SHISA9: variants seen among roughly 807,000 people sequenced by gnomAD.
SHISA9 encodes shisa family member 9.
SHISA9 carries 13 observed loss-of-function variants against 38.0 expected under a neutral mutation model. The observed-to-expected ratio is 0.34, with a 90% CI of 0.22 to 0.54. The LOEUF (loss-of-function observed/expected upper bound fraction) is 0.54, where lower values mean the gene tolerates loss of function less well. SHISA9 is among the 20% of genes least tolerant of loss of function. The probability of loss-of-function intolerance (pLI) is 0.91; values close to 1 mark genes in which losing one functional copy is unlikely to be tolerated. For synonymous variants in SHISA9, 275 were observed against 242.0 expected, an observed-to-expected ratio of 1.14 and a Z score of -1.27; for missense variants, 538 against 575.8, an observed-to-expected ratio of 0.93 and a Z score of 0.67.
Position 13,238,543 on chromosome 16 carries a change from T to G in SHISA9, c.*3134T>G, listed in dbSNP as rs1053370747. ...TTGTATTCCTTCTGCATGCTCCTTC[T>G]CCTCTGAATAAACTTCATCAATTGA... On this transcript the variant is annotated 3_prime_UTR_variant, in exon 5 of 5. Coordinates refer to ENST00000558583, the MANE Select transcript of SHISA9 (RefSeq NM_001145204.3). 6.6e-6 allele frequency: 1 copy of G among 152,146 alleles called. No homozygotes were observed. Among genetic ancestry groups the G allele is most frequent in the Non-Finnish European group, 1.5e-5 (1 of 68,032 alleles). The allele number at this position is 152,146 out of a possible 1,614,324, so 9.4% of individuals were successfully genotyped here. A position where few individuals can be genotyped will look rare whatever the true frequency, so the allele number is the denominator to read the frequency against.
the SHISA9 span, among the ~76,000 whole-genome samples, chr16:13,514,470 T>G: frequency 3.9e-5 from 6 of 152,294 alleles, no homozygotes; most frequent in East Asian, 9.6e-4. Flanking sequence ...GTATCTAATT[T>G]GTTCAGGAAT....
the SHISA9 span, among the ~76,000 whole-genome samples, chr16:13,279,703 T>C: frequency 6.6e-6 from 1 of 151,960 alleles, no homozygotes; most frequent in Non-Finnish European, 1.5e-5. Context: ...TACATCTTTA[T>C]CTAAAATATC....
chr16:13,125,111 C>G (rs895157398), intron 2 of SHISA9, among the ~76,000 whole-genome samples: 3 of 152,058 alleles, frequency 2.0e-5, no homozygotes, highest in African/African-American at 7.2e-5. Flanking sequence ...CAAAAATGGT[C>G]AAATGGGATC....
the SHISA9 span, among the ~76,000 whole-genome samples, chr16:13,441,962 A>G: frequency 6.6e-5 from 10 of 152,194 alleles, no homozygotes; most frequent in East Asian, 1.9e-3. Context: ...AGTTACCTCT[A>G]CTCTGTATTT....
the SHISA9 span, among the ~76,000 whole-genome samples, chr16:13,429,706 T>G: frequency 6.6e-6 from 1 of 152,248 alleles, no homozygotes; most frequent in Non-Finnish European, 1.5e-5. Flanking sequence ...CAGGACCTAT[T>G]TCAAAAGTAT....
the SHISA9 span, among the ~76,000 whole-genome samples, chr16:13,546,516 T>G: frequency 1.3e-5 from 2 of 152,198 alleles, no homozygotes; most frequent in Non-Finnish European, 2.9e-5. Context: ...AGTCATTACC[T>G]ATCAATAGTA....
the SHISA9 span, among the ~76,000 whole-genome samples, chr16:13,300,120 G>T: frequency 3.3e-5 from 5 of 152,224 alleles, no homozygotes; most frequent in East Asian, 9.7e-4. Context: ...GCAAAAGAAA[G>T]AATGAGAGGT....
At chr16:12,985,155 G>A (rs1292777728) in intron 2 of SHISA9, among the ~76,000 whole-genome samples, 5 of 151,826 alleles carry the variant, frequency 3.3e-5, no homozygotes, top group African/African-American at 1.2e-4. Flanking sequence ...AGGAGGTGGT[G>A]TTTTGTATAT....
chr16:13,464,617 C>G, the SHISA9 span, among the ~76,000 whole-genome samples: 1 of 152,192 alleles, frequency 6.6e-6, no homozygotes, highest in Admixed American at 6.5e-5. Flanking sequence ...CCCAAAACCA[C>G]TGATTTGCTT....
intron 2 of SHISA9, among the ~76,000 whole-genome samples, chr16:13,188,961 G>A (rs2050856512): frequency 6.6e-6 from 1 of 152,008 alleles, no homozygotes; most frequent in African/African-American, 2.4e-5. Context: ...GGGAAATTTG[G>A]ATGCAGACAC....
chr16:13,009,679 C>T (rs1221010360), intron 2 of SHISA9, among the ~76,000 whole-genome samples: 1 of 152,142 alleles, frequency 6.6e-6, no homozygotes, highest in East Asian at 1.9e-4. Flanking sequence ...GTTCAAAAAT[C>T]ACAGAATCCC....
chr16:12,984,934 T>C (rs2072287175), intron 2 of SHISA9, among the ~76,000 whole-genome samples: 1 of 152,158 alleles, frequency 6.6e-6, no homozygotes, highest in Admixed American at 6.5e-5. Context: ...GCCTAATGTA[T>C]GTCCAGAGCT....
chr16:13,450,499 T>C, the SHISA9 span, among the ~76,000 whole-genome samples: 1 of 152,244 alleles, frequency 6.6e-6, no homozygotes, highest in African/African-American at 2.4e-5. Flanking sequence ...TGTAGCCTAA[T>C]TTAGCCCTTC....
the SHISA9 span, among the ~76,000 whole-genome samples, chr16:13,289,860 C>G: frequency 6.6e-6 from 1 of 152,246 alleles, no homozygotes; most frequent in Non-Finnish European, 1.5e-5. Context: ...TTTGCCTAAG[C>G]TAGTTTGAAT....
chr16:12,910,346 A>G (rs1480768427), intron 1 of SHISA9: 3 of 371,140 alleles, frequency 8.1e-6, no homozygotes, highest in Non-Finnish European at 1.1e-5. Context: ...GTATTTACTG[A>G]ACATCTAACT....
the SHISA9 span, among the ~76,000 whole-genome samples, chr16:13,536,518 A>G: frequency 1.3e-5 from 2 of 152,374 alleles, no homozygotes; most frequent in African/African-American, 4.8e-5. Context: ...GAACAAACGA[A>G]TAAGCCCTAA....
intron 2 of SHISA9, among the ~76,000 whole-genome samples, chr16:13,163,526 G>T (rs950975993): frequency 5.9e-5 from 9 of 151,828 alleles, no homozygotes; most frequent in African/African-American, 2.2e-4. Context: ...TTCTCTGATT[G>T]TTTTTATTAT....
the SHISA9 span, among the ~76,000 whole-genome samples, chr16:13,347,631 G>T: frequency 6.6e-6 from 1 of 152,142 alleles, no homozygotes; most frequent in Non-Finnish European, 1.5e-5. Context: ...AATTCTGGGA[G>T]ATATTATCCA....
intron 2 of SHISA9, among the ~76,000 whole-genome samples, chr16:13,013,733 C>CTTT (rs35548167): frequency 1.4e-5 from 2 of 147,390 alleles, no homozygotes; most frequent in South Asian, 4.3e-4. Context: ...AAAATAATAC[C>CTTT]TTTTTTTTTT....
Sources: allele counts gnomAD v4.1 joint callset (sites outside exome capture counted in the v4.1 genomes callset), GRCh38; gene constraint gnomAD v4.1.1; transcripts MANE v1.5; gene names NCBI Gene and HGNC (gene_info 2026-07-23, HGNC 2026-07-21).